LPIN1: variants seen among roughly 807,000 people sequenced by gnomAD.
LPIN1 encodes lipin 1.
In LPIN1, 71 loss-of-function variants were observed where a neutral mutation model predicts 107.5. The ratio of observed to expected loss-of-function variants is 0.66; its 90% CI spans 0.55 to 0.80. LPIN1 has a LOEUF of 0.80. Ranked by LOEUF, LPIN1 falls within the 30% of genes least tolerant of loss-of-function variation. The pLI is 0.00. For synonymous variants in LPIN1, 445 were observed against 452.6 expected, an observed-to-expected ratio of 0.98 and a Z score of 0.21; for missense variants, 1,043 against 1,160.6, an observed-to-expected ratio of 0.90 and a Z score of 1.47.
chr2:11,723,969 C>T (rs1026704428), upstream of LPIN1: 2 of 152,090 alleles, frequency 1.3e-5, no homozygotes, highest in Admixed American at 6.5e-5. Flanking sequence ...CAAACTTAGC[C>T]GAGATACCAT....
intron 17 of LPIN1, among the ~76,000 whole-genome samples, chr2:11,814,059 G>A (rs1680141886): frequency 6.6e-6 from 1 of 152,206 alleles, no homozygotes; most frequent in African/African-American, 2.4e-5. Flanking sequence ...GGGAGTGTGG[G>A]GGGTGTGGAG....
chr2:11,754,045 A>G (rs1211605379), intron 1 of LPIN1, among the ~76,000 whole-genome samples: 1 of 152,134 alleles, frequency 6.6e-6, no homozygotes, highest in Non-Finnish European at 1.5e-5. Context: ...AGTGAGCAGG[A>G]AGCCCCAAAA....
intron 1 of LPIN1, among the ~76,000 whole-genome samples, chr2:11,730,924 C>A (rs758454411): frequency 6.6e-6 from 1 of 152,078 alleles, no homozygotes. Flanking sequence ...CTAGTCAGCT[C>A]GACGATGTGA....
intron 1 of LPIN1, among the ~76,000 whole-genome samples, chr2:11,706,811 G>C (rs1478651584): frequency 1.3e-5 from 2 of 152,116 alleles, no homozygotes; most frequent in Admixed American, 6.5e-5. Flanking sequence ...TATATCTGGG[G>C]GCTCATTAAC....
At chr2:11,690,877 T>A (rs1176513074) in intron 1 of LPIN1, among the ~76,000 whole-genome samples, 1 of 152,168 alleles carries the variant, frequency 6.6e-6, no homozygotes, top group African/African-American at 2.4e-5. Context: ...TGGAGGTTAT[T>A]CCTTAATCTG....
At chr2:11,796,726 G>T (rs948934687) in intron 14 of LPIN1, among the ~76,000 whole-genome samples, 5 of 152,220 alleles carry the variant, frequency 3.3e-5, no homozygotes, top group Non-Finnish European at 7.3e-5. Flanking sequence ...GTTTGGCTGT[G>T]AGTGTGCTTG....
At chr2:11,710,846 GA>G (rs1434685035) in intron 1 of LPIN1, among the ~76,000 whole-genome samples, 1 of 151,850 alleles carries the variant, frequency 6.6e-6, no homozygotes, top group Admixed American at 6.6e-5. Context: ...CTTTATGTTG[GA>G]ATTTTGAATT....
chr2:11,801,244 CCA>C (rs1677680798), intron 14 of LPIN1, among the ~76,000 whole-genome samples: 1 of 152,112 alleles, frequency 6.6e-6, no homozygotes, highest in Admixed American at 6.6e-5. Flanking sequence ...TCCAGCAATC[CCA>C]CTACTGCTTA....
At chr2:11,701,194 G>A (rs992862964) in intron 1 of LPIN1, among the ~76,000 whole-genome samples, 2 of 152,174 alleles carry the variant, frequency 1.3e-5, no homozygotes, top group Non-Finnish European at 2.9e-5. Context: ...TTCTCTAGGA[G>A]GTTTTTCCCC....
chr2:11,696,046 CT>C (rs531347349), intron 1 of LPIN1, among the ~76,000 whole-genome samples: 4,908 of 126,058 alleles, frequency 0.039, 100 homozygotes, highest in African/African-American at 0.08. Context: ...GCTGACTCTC[CT>C]TTTTTTTTTT....
chr2:11,683,729 G>T (rs1009600447), intron 1 of LPIN1, among the ~76,000 whole-genome samples: 3 of 152,168 alleles, frequency 2.0e-5, no homozygotes, highest in Non-Finnish European at 2.9e-5. Context: ...CTGCACTGCC[G>T]CTCTGTTCCT....
chr2:11,679,094 G>A (rs1026751908), intron 1 of LPIN1, among the ~76,000 whole-genome samples: 5 of 152,182 alleles, frequency 3.3e-5, no homozygotes, highest in African/African-American at 1.2e-4. Context: ...CTCATGCCCC[G>A]CAGGACTGAC....
rs1279348063 is a variant in LPIN1, at chr2:11,771,746, A to G, written c.596+67A>G. 7 of 1,455,244 alleles carry G rather than the reference A, an allele frequency of 4.8e-6. No individual in the cohort carries two copies. The highest frequency in any genetic ancestry group is 2.5e-5 in the East Asian group (1 of 40,496). The allele number at this position is 1,455,244 out of a possible 1,614,324, so 90.1% of individuals were successfully genotyped here. A position where few individuals can be genotyped will look rare whatever the true frequency, so the allele number is the denominator to read the frequency against. On this transcript the variant is annotated intron_variant, in intron 4 of 20. Transcript: ENST00000674199. The surrounding 1 kb of genome is among the most constrained non-coding windows in gnomAD (Gnocchi z 4.8). ...CAGTTAACTGTTCAAGATTATTTTT[A>G]TGAACTTTTCCCCCATAATTCCTTA...
intron 1 of LPIN1, among the ~76,000 whole-genome samples, chr2:11,678,648 C>G (rs564303507): frequency 1.7e-4 from 26 of 152,336 alleles, no homozygotes; most frequent in African/African-American, 5.5e-4. Context: ...CTTCAGTCAG[C>G]TCCATCCTCA....
In LPIN1 at chr2:11,769,400, G is replaced by T. The variant is rs144781197; in HGVS notation, c.288+1542G>T. Among the ~76,000 whole-genome samples, 610 of 152,238 alleles carry T rather than the reference G, an allele frequency of 4.0e-3. 3 individuals are homozygous for T. The highest frequency in any genetic ancestry group is 0.014 in the African/African-American group (583 of 41,534). On this transcript the variant is annotated intron_variant, in intron 3 of 20. Coordinates refer to ENST00000674199, the MANE Select transcript of LPIN1 (RefSeq NM_001349206.2). ...CTATTCAGATCCTTTGCTAGTTTGT[G>T]TGTGTGTGTGTATGTGTGTGTTGTT...
chr2:11,760,013 G>A (rs1176137359), intron 1 of LPIN1, among the ~76,000 whole-genome samples: 4 of 149,282 alleles, frequency 2.7e-5, no homozygotes, highest in South Asian at 4.3e-4. Flanking sequence ...CGGGGCGGCC[G>A]GGCAGAGACG....
Position 11,803,871 on chromosome 2 carries a change from T to C in LPIN1, c.2014-552T>C, listed in dbSNP as rs1341425273. ...ACTTTGTATTTTGAATTTGGTGTGA[T>C]TTCTTTGGGTCTAGACTATATTCTT... On this transcript the variant is annotated intron_variant, in intron 15 of 20. Transcript: ENST00000674199. This position sits in a 1 kb window ranked among gnomAD's most constrained non-coding sequence, Gnocchi z 4.2. Among the ~76,000 whole-genome samples the C allele has an allele frequency of 6.6e-6, 1 of 152,226 alleles. No homozygotes were observed. Among genetic ancestry groups the C allele is most frequent in the East Asian group, 1.9e-4 (1 of 5,200 alleles).
At chr2:11,763,967 G>A (rs1454528053) in intron 1 of LPIN1, among the ~76,000 whole-genome samples, 3 of 144,092 alleles carry the variant, frequency 2.1e-5, no homozygotes, top group Admixed American at 6.8e-5. Context: ...ATATTTTAGT[G>A]TGTGTGTGTG....
chr2:11,756,471 C>A (rs1668706580), intron 1 of LPIN1, among the ~76,000 whole-genome samples: 1 of 152,172 alleles, frequency 6.6e-6, no homozygotes, highest in South Asian at 2.1e-4. Flanking sequence ...CCATTGCAAC[C>A]TCTGCCTCCT....
Sources: allele counts gnomAD v4.1 joint callset (sites outside exome capture counted in the v4.1 genomes callset), GRCh38; gene constraint gnomAD v4.1.1; non-coding constraint Gnocchi (gnomAD v3.1); transcripts MANE v1.5; gene names NCBI Gene and HGNC (gene_info 2026-07-23, HGNC 2026-07-21).